TMEM132D: variants seen among roughly 807,000 people sequenced by gnomAD.
TMEM132D encodes transmembrane protein 132D.
A neutral mutation model predicts 62.3 loss-of-function variants in TMEM132D; 21 were observed. That is an observed-to-expected ratio of 0.34 (90% CI 0.24 to 0.49). The LOEUF (loss-of-function observed/expected upper bound fraction) is 0.49, where lower values mean the gene tolerates loss of function less well. Among genes scored for constraint, TMEM132D ranks in the 20% least tolerant of loss-of-function variants. The probability of loss-of-function intolerance (pLI) is 0.99; values close to 1 mark genes in which losing one functional copy is unlikely to be tolerated. For missense variants in TMEM132D, 1,346 were observed against 1,402.8 expected, an observed-to-expected ratio of 0.96 and a Z score of 0.65; for synonymous variants, 621 against 575.6, an observed-to-expected ratio of 1.08 and a Z score of -1.13.
intron 2 of TMEM132D, among the ~76,000 whole-genome samples, chr12:129,612,743 G>A (rs1402250162): frequency 2.6e-5 from 4 of 151,870 alleles, no homozygotes; most frequent in South Asian, 2.1e-4. Context: ...CTCATCTGAT[G>A]TACGCTTAGT....
intron 2 of TMEM132D, among the ~76,000 whole-genome samples, chr12:129,586,489 G>A (rs1287997089): frequency 6.6e-6 from 1 of 152,130 alleles, no homozygotes; most frequent in Non-Finnish European, 1.5e-5. Context: ...CACACTTCCG[G>A]AGCCTGTGAG....
chr12:129,184,765 A>G (rs1183331214), intron 5 of TMEM132D, among the ~76,000 whole-genome samples: 2 of 151,096 alleles, frequency 1.3e-5, no homozygotes, highest in Non-Finnish European at 1.5e-5. Flanking sequence ...CTCTGATCAC[A>G]TGGGACACAC....
At chr12:129,651,695 C>T (rs1037877211) in intron 2 of TMEM132D, among the ~76,000 whole-genome samples, 10 of 152,122 alleles carry the variant, frequency 6.6e-5, no homozygotes, top group African/African-American at 2.2e-4. Flanking sequence ...AATTAAGAAG[C>T]AAGGACAGCA....
chr12:129,407,672 C>G (rs186133063), intron 3 of TMEM132D, among the ~76,000 whole-genome samples: 5 of 151,688 alleles, frequency 3.3e-5, no homozygotes, highest in African/African-American at 4.8e-5. Context: ...TTTGGGAGAC[C>G]GAGGCAGGCG....
At chr12:129,258,232 G>T (rs1324998087) in intron 4 of TMEM132D, among the ~76,000 whole-genome samples, 1 of 152,036 alleles carries the variant, frequency 6.6e-6, no homozygotes, top group Non-Finnish European at 1.5e-5. Context: ...GTTGTTTCAA[G>T]GATTCAAGAA....
chr12:129,497,592 A>G (rs1250052241), intron 3 of TMEM132D, among the ~76,000 whole-genome samples: 7 of 152,090 alleles, frequency 4.6e-5, no homozygotes, highest in South Asian at 2.1e-4. Context: ...GCAAATGTCT[A>G]TCTAGGGCTA....
At chr12:129,512,414 C>G (rs1875521364) in intron 3 of TMEM132D, among the ~76,000 whole-genome samples, 1 of 152,148 alleles carries the variant, frequency 6.6e-6, no homozygotes, top group Admixed American at 6.5e-5. Context: ...CATTTATCGT[C>G]AAAAGAGACG....
chr12:129,717,177 G>A (rs889272965), intron 1 of TMEM132D, among the ~76,000 whole-genome samples: 1 of 152,156 alleles, frequency 6.6e-6, no homozygotes, highest in African/African-American at 2.4e-5. Flanking sequence ...GCCCTGCAAG[G>A]GAAGCACACC....
chr12:129,095,158 T>G lies in TMEM132D; in HGVS notation c.1444-10456A>C, dbSNP rs138321967. 5.5e-3 allele frequency among the ~76,000 whole-genome samples: 839 copies of G among 151,878 alleles called. 4 individuals carry two copies. The highest frequency in any genetic ancestry group is 0.019 in the African/African-American group (793 of 41,354). ...GTAACTAACCTGCATGTTGTGCACA[T>G]GTACCCTAAAACTTAAAGTATAATA... On this transcript the variant is annotated intron_variant, in intron 5 of 8. Transcript: ENST00000422113.
At chr12:129,569,214 G>A (rs1407855539) in intron 2 of TMEM132D, among the ~76,000 whole-genome samples, 1 of 152,104 alleles carries the variant, frequency 6.6e-6, no homozygotes, top group South Asian at 2.1e-4. Flanking sequence ...ATCTCAAATG[G>A]GTTTACACAA....
chr12:129,855,377 CGG>C (rs1873706936), intron 1 of TMEM132D, among the ~76,000 whole-genome samples: 1 of 32,520 alleles, frequency 3.1e-5, no homozygotes, highest in Non-Finnish European at 6.1e-5. Flanking sequence ...GCCCTTGTAA[CGG>C]AGTCCAGGGG....
At chr12:129,111,446 A>G (rs1875699755) in intron 5 of TMEM132D, 2 of 152,274 alleles carry the variant, frequency 1.3e-5, no homozygotes, top group African/African-American at 4.8e-5. Context: ...AACAGCTGCT[A>G]AGTGAGACTC....
intron 1 of TMEM132D, among the ~76,000 whole-genome samples, chr12:129,875,454 C>T (rs569591755): frequency 5.3e-5 from 8 of 152,298 alleles, no homozygotes; most frequent in African/African-American, 7.2e-5. Flanking sequence ...GGTAAGGGCC[C>T]GGCTCTGCGT....
At chr12:129,535,774 G>GTT (rs1357384702) in intron 2 of TMEM132D, among the ~76,000 whole-genome samples, 1 of 84,158 alleles carries the variant, frequency 1.2e-5, no homozygotes, top group Non-Finnish European at 2.1e-5. Flanking sequence ...TAAGATTTGT[G>GTT]TGCGTGTGTG....
At chr12:129,105,818 G>T (rs1253971488) in intron 5 of TMEM132D, among the ~76,000 whole-genome samples, 1 of 151,372 alleles carries the variant, frequency 6.6e-6, no homozygotes, top group South Asian at 2.1e-4. Flanking sequence ...CACTGTTGGT[G>T]GGACTGTAAA....
intron 2 of TMEM132D, among the ~76,000 whole-genome samples, chr12:129,539,574 A>ATTTTTTTTTTTT: frequency 6.9e-6 from 1 of 143,930 alleles, no homozygotes; most frequent in Non-Finnish European, 1.5e-5. Flanking sequence ...AATTTTTTCT[A>ATTTTTTTTTTTT]TTTTTTTTTT....
At chr12:129,572,853 C>T (rs1174022920) in intron 2 of TMEM132D, among the ~76,000 whole-genome samples, 1 of 152,026 alleles carries the variant, frequency 6.6e-6, no homozygotes, top group Admixed American at 6.6e-5. Context: ...AAGCCAATTT[C>T]GTGGCTTTCA....
intron 2 of TMEM132D, among the ~76,000 whole-genome samples, chr12:129,686,592 A>T (rs765699195): frequency 1.3e-5 from 2 of 152,052 alleles, no homozygotes; most frequent in Admixed American, 6.5e-5. Context: ...TAAACATTCT[A>T]AAAAAAATTC....
intron 4 of TMEM132D, among the ~76,000 whole-genome samples, chr12:129,330,322 C>T (rs1306016113): frequency 6.6e-6 from 1 of 152,116 alleles, no homozygotes; most frequent in Non-Finnish European, 1.5e-5. Context: ...TGGAGTCTAG[C>T]AGCTTCCAGT....
Sources: gnomAD v4.1 joint callset for allele counts (sites outside exome capture counted in the v4.1 genomes callset) on GRCh38, gnomAD v4.1.1 for gene constraint, MANE v1.5 for transcripts, NCBI Gene and HGNC (gene_info 2026-07-23, HGNC 2026-07-21) for gene names.